Variants in EDIL3 observed in about 807,000 individuals in gnomAD.
The protein encoded by EDIL3 is EGF like and discoidin domains 3, also known as EGF-like repeat and discoidin I-like domain-containing protein 3.
EDIL3 carries 37 observed loss-of-function variants against 67.4 expected under a neutral mutation model. The ratio of observed to expected loss-of-function variants is 0.55; its 90% confidence interval spans 0.42 to 0.72. EDIL3 has a LOEUF of 0.72. Among genes scored for constraint, EDIL3 ranks in the 30% least tolerant of loss-of-function variants. The pLI is 0.00. For synonymous variants in EDIL3, 195 were observed against 196.3 expected (o/e 0.99, Z 0.05); for missense variants, 527 against 586.3 (o/e 0.90, Z 1.04).
intron 6 of EDIL3, among the ~76,000 whole-genome samples, chr5:84,101,203 A>G (rs994951435): frequency 6.6e-6 from 1 of 152,114 alleles, no homozygotes; most frequent in Non-Finnish European, 1.5e-5. Flanking sequence ...AATACTGGTC[A>G]TAAAGAAATT....
At chr5:84,241,662 G>A (rs566794883) in intron 2 of EDIL3, among the ~76,000 whole-genome samples, 87 of 149,852 alleles carry the variant, frequency 5.8e-4, no homozygotes, top group African/African-American at 2.0e-3. Context: ...ATTGCCCCCA[G>A]TTTGTGTATT....
At chr5:84,184,361 T>G (rs2112361095) in intron 3 of EDIL3, among the ~76,000 whole-genome samples, 1 of 152,232 alleles carries the variant, frequency 6.6e-6, no homozygotes, top group South Asian at 2.1e-4. Context: ...GCAGAAATTC[T>G]AAAAGGAAAG....
chr5:84,358,595 T>G (rs1747535455), intron 1 of EDIL3, among the ~76,000 whole-genome samples: 1 of 113,166 alleles, frequency 8.8e-6, no homozygotes, highest in African/African-American at 3.7e-5. Context: ...TTTTATCCTT[T>G]TTTTTTTTTT....
At chr5:84,266,050 T>C (rs898157806) in intron 1 of EDIL3, among the ~76,000 whole-genome samples, 2 of 152,188 alleles carry the variant, frequency 1.3e-5, no homozygotes, top group Non-Finnish European at 2.9e-5. Context: ...ATACATGCTT[T>C]TACACTAAGT....
intron 9 of EDIL3, among the ~76,000 whole-genome samples, chr5:83,994,131 T>G (rs776348575): frequency 2.0e-5 from 3 of 152,186 alleles, no homozygotes; most frequent in Non-Finnish European, 2.9e-5. Flanking sequence ...TTTGTGTACA[T>G]AGGCATTTTA....
intron 4 of EDIL3, among the ~76,000 whole-genome samples, chr5:84,167,726 T>C (rs1446759817): frequency 3.3e-5 from 5 of 152,180 alleles, no homozygotes; most frequent in Admixed American, 3.3e-4. Flanking sequence ...CAGTTATTTC[T>C]ATTCTAAAAC....
chr5:84,310,927 C>T (rs1031380466), intron 1 of EDIL3, among the ~76,000 whole-genome samples: 2 of 152,108 alleles, frequency 1.3e-5, no homozygotes, highest in Non-Finnish European at 2.9e-5. Context: ...CTAGCATCAT[C>T]ACAGGTCACT....
chr5:84,216,730 C>T (rs560751210), intron 3 of EDIL3, among the ~76,000 whole-genome samples: 1 of 152,214 alleles, frequency 6.6e-6, no homozygotes, highest in Non-Finnish European at 1.5e-5. Flanking sequence ...TAATCGAAAT[C>T]ACAATATTAA....
chr5:84,278,291 C>T (rs1745627987), intron 1 of EDIL3, among the ~76,000 whole-genome samples: 1 of 152,140 alleles, frequency 6.6e-6, no homozygotes, highest in South Asian at 2.1e-4. Context: ...ATTCATTCCT[C>T]CAAATTACGT....
intron 1 of EDIL3, among the ~76,000 whole-genome samples, chr5:84,363,933 A>G (rs1187713361): frequency 6.6e-6 from 1 of 152,202 alleles, no homozygotes; most frequent in African/African-American, 2.4e-5. Flanking sequence ...GGTTCTCACA[A>G]ATCACTGACT....
chr5:84,170,888 G>A (rs373002336), intron 4 of EDIL3, among the ~76,000 whole-genome samples: 10 of 151,660 alleles, frequency 6.6e-5, no homozygotes, highest in African/African-American at 1.7e-4. Context: ...TCCACCTCCC[G>A]GGTTCAAGCA....
At chr5:84,155,687 T>C (rs1306080852) in intron 4 of EDIL3, among the ~76,000 whole-genome samples, 1 of 152,188 alleles carries the variant, frequency 6.6e-6, no homozygotes, top group Non-Finnish European at 1.5e-5. Context: ...AAAAATAAGT[T>C]CTCCAATCAT....
At chr5:84,191,327 G>A (rs1358074306) in intron 3 of EDIL3, among the ~76,000 whole-genome samples, 4 of 152,022 alleles carry the variant, frequency 2.6e-5, no homozygotes, top group Non-Finnish European at 2.9e-5. Context: ...TCTGTCCTCC[G>A]TGACTGCCAT....
chr5:84,216,338 T>C (rs1404010864), intron 3 of EDIL3, among the ~76,000 whole-genome samples: 1 of 152,220 alleles, frequency 6.6e-6, no homozygotes, highest in Non-Finnish European at 1.5e-5. Flanking sequence ...CAGAGAGGCA[T>C]TTAAAATAAT....
At chr5:84,351,648 T>C (rs1747363792) in intron 1 of EDIL3, among the ~76,000 whole-genome samples, 1 of 152,194 alleles carries the variant, frequency 6.6e-6, no homozygotes, top group Admixed American at 6.5e-5. Context: ...TTATCATTTA[T>C]GAATTATTGC....
intron 9 of EDIL3, among the ~76,000 whole-genome samples, chr5:83,971,141 CA>C (rs1324867821): frequency 6.6e-6 from 1 of 151,486 alleles, no homozygotes; most frequent in Non-Finnish European, 1.5e-5. Context: ...GCAATTTTAA[CA>C]TATATTTTAA....
intron 1 of EDIL3, among the ~76,000 whole-genome samples, chr5:84,327,176 T>C (rs1746780014): frequency 6.6e-6 from 1 of 152,018 alleles, no homozygotes; most frequent in Non-Finnish European, 1.5e-5. Context: ...TACATCATTA[T>C]TAATTGTAGC....
At chr5:84,273,223 G>A (rs1320129444) in intron 1 of EDIL3, among the ~76,000 whole-genome samples, 1 of 152,120 alleles carries the variant, frequency 6.6e-6, no homozygotes, top group African/African-American at 2.4e-5. Context: ...GGCCCTCAAT[G>A]TACAATGCCA....
At chr5:84,368,439 T>G (rs928890678) in intron 1 of EDIL3, among the ~76,000 whole-genome samples, 1 of 152,128 alleles carries the variant, frequency 6.6e-6, no homozygotes, top group Admixed American at 6.6e-5. Context: ...TATAAAAGAA[T>G]GAAGTTGAGC....
Sources: allele counts gnomAD v4.1 joint callset (sites outside exome capture counted in the v4.1 genomes callset), GRCh38; gene constraint gnomAD v4.1.1; transcripts MANE v1.5; gene names NCBI Gene and HGNC (gene_info 2026-07-23, HGNC 2026-07-21).